Variants in SYNPO observed in about 807,000 individuals in gnomAD.
SYNPO encodes synaptopodin.
SYNPO carries 19 observed loss-of-function variants against 49.5 expected under a neutral mutation model. That is an observed-to-expected ratio of 0.38 (90% CI 0.27 to 0.56). The LOEUF (loss-of-function observed/expected upper bound fraction) is 0.56, where lower values mean the gene tolerates loss of function less well. SYNPO is among the 20% of genes least tolerant of loss of function. The probability of loss-of-function intolerance (pLI) is 0.68; values close to 1 mark genes in which losing one functional copy is unlikely to be tolerated. For missense variants in SYNPO, 1,131 were observed against 1,248.3 expected (o/e 0.91, Z 1.42); for synonymous variants, 536 against 548.0 (o/e 0.98, Z 0.31).
At position 150,656,810 on chromosome 5, in the gene SYNPO, C is replaced by T. The variant is rs746215099; in HGVS notation, c.2435C>T (p.Ser812Leu). 4.7e-6 allele frequency: 7 copies of T among 1,488,892 alleles called. No homozygotes were observed. Among genetic ancestry groups the T allele is most frequent in the East Asian group, 2.7e-5 (1 of 36,644 alleles). The allele number at this position is 1,488,892 out of a possible 1,614,324, so 92.2% of individuals were successfully genotyped here. ...MRSPQPARPG[S>L]AAVPGAAFAP... The stretch of plus-strand genomic sequence containing the variant: ...TCGCCACAGCCCGCCCGCCCCGGCT[C>T]GGCTGCTGTGCCGGGGGCAGCCTTC... Residue 812 changes from serine to leucine, a missense_variant, in exon 3 of 3, where the codon TCG (serine) becomes TTG (leucine). By Grantham distance (145) the Ser-to-Leu change is moderately radical. Transcript: ENST00000307662.
chr5:150,622,025 G>A (rs1287163746), intron 2 of SYNPO, among the ~76,000 whole-genome samples: 1 of 152,244 alleles, frequency 6.6e-6, no homozygotes, highest in Non-Finnish European at 1.5e-5. Flanking sequence ...GAGTGCCAGA[G>A]ATGGCAAGTG....
In SYNPO at chr5:150,649,928, G is replaced by A. The variant is rs1758294834; in HGVS notation, c.1653G>A (p.Glu551=). Residue 551 remains glutamate, a synonymous_variant, in exon 2 of 3, where the codon GAG becomes GAA. Coordinates refer to ENST00000307662, the MANE Select transcript of SYNPO (RefSeq NM_007286.6). ...CCCTCTACCATGGCTACCTGCCTGAGAACGGGGTCCTGCGCCCAGAGCCCA... is the reference window on the plus strand; with the variant it reads ...CCCTCTACCATGGCTACCTGCCTGAAAACGGGGTCCTGCGCCCAGAGCCCA... ...PASLYHGYLP[E]NGVLRPEPTK... is the part of the protein sequence containing the mutation. 1.2e-6 allele frequency: 2 copies of A among 1,612,256 alleles called. No individual in the cohort carries two copies. Among genetic ancestry groups the A allele is most frequent in the South Asian group, 1.1e-5 (1 of 91,088 alleles).
chr5:150,590,001 C>T, the SYNPO span, among the ~76,000 whole-genome samples: 3 of 152,230 alleles, frequency 2.0e-5, no homozygotes, highest in African/African-American at 4.8e-5. Flanking sequence ...GACAGGCTGC[C>T]GACAGCTGCA....
chr5:150,640,581 CG>C, upstream of SYNPO: 1 of 909,296 alleles, frequency 1.1e-6, no homozygotes, highest in Non-Finnish European at 1.3e-6. Context: ...AATCTGGCAG[CG>C]TGGGGCGGGT....
At chr5:150,612,356 T>C (rs1756871482) in intron 1 of SYNPO, among the ~76,000 whole-genome samples, 1 of 152,222 alleles carries the variant, frequency 6.6e-6, no homozygotes, top group Admixed American at 6.5e-5. Flanking sequence ...TTTCATTTGA[T>C]ATATATTACG....
intron 2 of SYNPO, chr5:150,624,752 G>T (rs1757294418): frequency 4.0e-6 from 3 of 744,308 alleles, no homozygotes; most frequent in Non-Finnish European, 4.9e-6. Context: ...GGCGGTGGCG[G>T]TGGCGGCGGC....
chr5:150,624,571 T>A (rs1581473479), intron 2 of SYNPO: 2 of 112,632 alleles, frequency 1.8e-5, no homozygotes, highest in Admixed American at 9.2e-5. Context: ...CGCCTGGAGA[T>A]GGGAGGCTGA....
chr5:150,650,525 C>G, intron 2 of SYNPO: 1 of 1,474,416 alleles, frequency 6.8e-7, no homozygotes, highest in Non-Finnish European at 9.0e-7. Flanking sequence ...GAAGCCGCCC[C>G]TCCCCTACTA....
At chr5:150,620,529 G>T (rs969507422) in intron 2 of SYNPO, among the ~76,000 whole-genome samples, 1 of 152,228 alleles carries the variant, frequency 6.6e-6, no homozygotes, top group African/African-American at 2.4e-5. Flanking sequence ...TCCAGTCATG[G>T]TTTTTTGAAC....
chr5:150,641,668 A>G (rs1243462317), intron 1 of SYNPO, among the ~76,000 whole-genome samples: 1 of 152,168 alleles, frequency 6.6e-6, no homozygotes, highest in Non-Finnish European at 1.5e-5. Flanking sequence ...CCAAACAAGA[A>G]CTGGGGTCTT....
chr5:150,612,818 C>T (rs999500593), intron 1 of SYNPO, among the ~76,000 whole-genome samples: 13 of 152,152 alleles, frequency 8.5e-5, no homozygotes, highest in African/African-American at 1.2e-4. Context: ...CTCACTCTGT[C>T]ACCCAGGCTG....
chr5:150,657,951 A>G lies in SYNPO; in HGVS notation c.*864A>G, dbSNP rs534098500. The G allele has an allele frequency of 1.3e-5, 2 of 152,500 alleles. No individual in the cohort carries two copies. The highest frequency in any genetic ancestry group is 2.1e-4 in the South Asian group (1 of 4,824). The allele number at this position is 152,500 out of a possible 1,614,324, so 9.4% of individuals were successfully genotyped here. The stretch of plus-strand genomic sequence containing the variant: ...CAGCTCATCTGTTCCTTCTGGGCCC[A>G]TTCATGGCAGGTTCTGGGCTCAAAG... On this transcript the variant is annotated 3_prime_UTR_variant, in exon 3 of 3. Transcript: ENST00000307662.
chr5:150,648,884 G>A lies in SYNPO; in HGVS notation c.609G>A (p.Val203=). 1 of 1,614,220 alleles carries A rather than the reference G, an allele frequency of 6.2e-7. No individual in the cohort carries two copies. ...ACATCCAGCCCAACACCCTAGTGGTGTCAGCAGATCAAGAGATGTCTGGGC... is the reference window on the plus strand; with the variant it reads ...ACATCCAGCCCAACACCCTAGTGGTATCAGCAGATCAAGAGATGTCTGGGC... The part of the protein sequence containing the change: ...LIDIQPNTLV[V]SADQEMSGRA... Residue 203 remains valine, a synonymous_variant, in exon 2 of 3, where the codon GTG becomes GTA. Coordinates refer to ENST00000307662, the MANE Select transcript of SYNPO (RefSeq NM_007286.6). This position sits in a 1 kb window ranked among gnomAD's most constrained non-coding sequence, Gnocchi z 5.0.
rs1241892358 is a variant in SYNPO at position 150,649,466 on chromosome 5, T to C, written c.1191T>C (p.Asp397=). The change falls in exon 2 of 3, where the codon GAT becomes GAC. Residue 397 remains aspartate, a synonymous_variant. Coordinates refer to ENST00000307662, the MANE Select transcript of SYNPO (RefSeq NM_007286.6). ...TGACCCCGAATCCAGACTTGCTGGA[T>C]CTGGTACAGACAGCGGATGAGAAGC... ...PKVTPNPDLL[D]LVQTADEKRR... is the part of the protein sequence containing the mutation. 1 of 1,613,942 alleles carries C rather than the reference T, an allele frequency of 6.2e-7. No individual in the cohort carries two copies. The highest frequency in any genetic ancestry group is 8.5e-7 in the Non-Finnish European group (1 of 1,179,992).
chr5:150,619,300 G>A (rs1757077844), intron 2 of SYNPO, among the ~76,000 whole-genome samples: 1 of 152,158 alleles, frequency 6.6e-6, no homozygotes, highest in African/African-American at 2.4e-5. Context: ...GAGACTCAGA[G>A]TGAGGAAAAA....
At chr5:150,586,544 A>G in the SYNPO span, among the ~76,000 whole-genome samples, 6 of 151,074 alleles carry the variant, frequency 4.0e-5, no homozygotes, top group Admixed American at 2.6e-4. Context: ...ATAAATAGAC[A>G]GATGGATACA....
chr5:150,655,902 C>A (rs149799009), intron 2 of SYNPO, among the ~76,000 whole-genome samples: 9,120 of 152,328 alleles, frequency 0.06, 331 homozygotes, highest in South Asian at 0.11. Flanking sequence ...CCACCCGCCT[C>A]GGCCTCCCAA....
intron 2 of SYNPO, chr5:150,618,865 C>T: frequency 2.8e-6 from 4 of 1,441,506 alleles, no homozygotes; most frequent in Non-Finnish European, 1.9e-6. Flanking sequence ...CCATGATCCA[C>T]AGTAATTCAT....
At chr5:150,589,548 G>C in the SYNPO span, among the ~76,000 whole-genome samples, 1 of 152,142 alleles carries the variant, frequency 6.6e-6, no homozygotes, top group Non-Finnish European at 1.5e-5. Context: ...ATTCACCTTT[G>C]AGCATGTGGG....
Sources: gnomAD v4.1 joint callset for allele counts (sites outside exome capture counted in the v4.1 genomes callset) on GRCh38, gnomAD v4.1.1 for gene constraint, Gnocchi (gnomAD v3.1) non-coding constraint, MANE v1.5 for transcripts, NCBI Gene and HGNC (gene_info 2026-07-23, HGNC 2026-07-21) for gene names.